Variants in GPC5 observed in about 807,000 individuals in gnomAD.
GPC5 encodes glypican-5.
GPC5 carries 47 observed loss-of-function variants against 53.9 expected under a neutral mutation model. That is an observed-to-expected ratio of 0.87 (90% CI 0.69 to 1.11). The LOEUF is 1.11. GPC5 is among the 50% of genes most tolerant of loss of function. The pLI is 0.00. For synonymous variants in GPC5, 286 were observed against 263.3 expected (o/e 1.09, Z -0.84); for missense variants, 748 against 713.1 (o/e 1.05, Z -0.56).
intron 3 of GPC5, among the ~76,000 whole-genome samples, chr13:91,696,870 A>G (rs1387875497): frequency 1.3e-5 from 2 of 152,218 alleles, no homozygotes; most frequent in Non-Finnish European, 1.5e-5. Context: ...GAGAGGTAAC[A>G]AAGAGTAGGA....
At chr13:91,705,954 C>T (rs2036094347) in intron 3 of GPC5, among the ~76,000 whole-genome samples, 1 of 147,166 alleles carries the variant, frequency 6.8e-6, no homozygotes. Context: ...GATCTCGGCT[C>T]ATTGCAACCT....
At chr13:91,599,416 TA>T (rs2033103582) in intron 2 of GPC5, among the ~76,000 whole-genome samples, 1 of 152,142 alleles carries the variant, frequency 6.6e-6, no homozygotes, top group South Asian at 2.1e-4. Context: ...CTGATTAGTA[TA>T]ATTGTTATTT....
At chr13:92,799,098 A>T (rs1040680975) in intron 7 of GPC5, among the ~76,000 whole-genome samples, 2 of 151,748 alleles carry the variant, frequency 1.3e-5, no homozygotes, top group Admixed American at 1.3e-4. Flanking sequence ...ATTTAATGAA[A>T]CAAAAGTCAC....
chr13:91,987,787 GTAT>G (rs2040422164), intron 6 of GPC5, among the ~76,000 whole-genome samples: 1 of 140,890 alleles, frequency 7.1e-6, no homozygotes, highest in Middle Eastern at 3.9e-3. Context: ...TATATATATA[GTAT>G]TATATTATGT....
At chr13:91,599,801 C>A (rs1022797834) in intron 2 of GPC5, among the ~76,000 whole-genome samples, 1 of 152,176 alleles carries the variant, frequency 6.6e-6, no homozygotes, top group African/African-American at 2.4e-5. Flanking sequence ...CACTGAGGCT[C>A]TCTAGCACCT....
At chr13:92,530,244 T>A (rs1881509412) in intron 7 of GPC5, among the ~76,000 whole-genome samples, 1 of 152,140 alleles carries the variant, frequency 6.6e-6, no homozygotes, top group African/African-American at 2.4e-5. Context: ...TCTTAGGAGC[T>A]TCCATGTTAA....
chr13:92,218,026 C>T (rs759736893), intron 7 of GPC5, among the ~76,000 whole-genome samples: 44 of 149,048 alleles, frequency 3.0e-4, no homozygotes, highest in Middle Eastern at 3.5e-3. Context: ...TGGGCTCCAG[C>T]GGTCCTCCTG....
intron 5 of GPC5, among the ~76,000 whole-genome samples, chr13:91,797,766 C>G (rs766195226): frequency 1.3e-5 from 2 of 152,128 alleles, no homozygotes; most frequent in Admixed American, 6.5e-5. Flanking sequence ...GACGGTGAGG[C>G]AGAGCAGGCG....
At chr13:92,365,527 T>C (rs1180910641) in intron 7 of GPC5, among the ~76,000 whole-genome samples, 1 of 151,708 alleles carries the variant, frequency 6.6e-6, no homozygotes, top group African/African-American at 2.4e-5. Flanking sequence ...TTCTAAACTT[T>C]TAATTTTTAA....
intron 6 of GPC5, among the ~76,000 whole-genome samples, chr13:92,039,985 C>T (rs116785121): frequency 3.5e-4 from 53 of 152,226 alleles, no homozygotes; most frequent in African/African-American, 1.2e-3. Context: ...TAACCCACTC[C>T]ACAGCTCTGC....
chr13:92,649,631 G>GA (rs1885889661), intron 7 of GPC5, among the ~76,000 whole-genome samples: 2 of 152,024 alleles, frequency 1.3e-5, no homozygotes, highest in South Asian at 4.1e-4. Flanking sequence ...TTTTACTAGA[G>GA]AAAAAAGCAA....
intron 6 of GPC5, among the ~76,000 whole-genome samples, chr13:92,120,784 G>C (rs931114950): frequency 3.3e-5 from 5 of 152,298 alleles, no homozygotes; most frequent in Admixed American, 3.3e-4. Context: ...ATTTTATCTA[G>C]TTAATCTGTA....
chr13:91,793,015 A>G (rs1481848374), intron 5 of GPC5, among the ~76,000 whole-genome samples: 1 of 152,038 alleles, frequency 6.6e-6, no homozygotes, highest in Non-Finnish European at 1.5e-5. Flanking sequence ...GTTCCATTGA[A>G]ACTCTTCTCA....
At chr13:91,678,738 T>G (rs959876350) in intron 2 of GPC5, among the ~76,000 whole-genome samples, 4 of 89,788 alleles carry the variant, frequency 4.5e-5, no homozygotes, top group South Asian at 3.5e-4. Flanking sequence ...GGAGTTTTTG[T>G]TTTTTTTTTT....
intron 2 of GPC5, among the ~76,000 whole-genome samples, chr13:91,519,123 G>C (rs928640614): frequency 6.6e-6 from 1 of 152,090 alleles, no homozygotes; most frequent in African/African-American, 2.4e-5. Context: ...GAAGCAATTG[G>C]CCTATTGAAA....
intron 6 of GPC5, among the ~76,000 whole-genome samples, chr13:92,029,818 C>T (rs1362990038): frequency 1.3e-5 from 2 of 152,126 alleles, no homozygotes; most frequent in Admixed American, 1.3e-4. Flanking sequence ...CTTGATGTTT[C>T]CACAGGGATG....
At chr13:91,661,235 T>G (rs1032885526) in intron 2 of GPC5, among the ~76,000 whole-genome samples, 4 of 152,204 alleles carry the variant, frequency 2.6e-5, no homozygotes, top group Admixed American at 1.3e-4. Context: ...TTTCTTACTG[T>G]GATGGCATGT....
At position 92,543,728 on chromosome 13, in the gene GPC5, AT is replaced by A. The variant is rs1336883165; in HGVS notation, c.1562-322547del. On this transcript the variant is annotated intron_variant, in intron 7 of 7. Transcript: ENST00000377067. The stretch of plus-strand genomic sequence containing the variant: ...TATATTAGATGAAGGTTTATTTTCT[AT>A]TTTTTTAATGCAAGGAAGACTAAAA... 2.6e-5 allele frequency among the ~76,000 whole-genome samples: 4 copies of A among 152,076 alleles called. No homozygotes were observed. The South Asian group carries it at 6.2e-4, about 24-fold the overall frequency.
chr13:91,410,802 C>G (rs1305409199), intron 1 of GPC5, among the ~76,000 whole-genome samples: 1 of 152,096 alleles, frequency 6.6e-6, no homozygotes, highest in Non-Finnish European at 1.5e-5. Context: ...ATGGTAAAAT[C>G]AAATTTGTTT....
Sources: allele counts gnomAD v4.1 joint callset (sites outside exome capture counted in the v4.1 genomes callset), GRCh38; gene constraint gnomAD v4.1.1; transcripts MANE v1.5; gene names NCBI Gene and HGNC (gene_info 2026-07-23, HGNC 2026-07-21).